Variants in MEOX2 observed in about 807,000 individuals in gnomAD.
The protein encoded by MEOX2 is mesenchyme homeobox 2.
In MEOX2, 11 loss-of-function variants were observed where a neutral mutation model predicts 27.0. That is an observed-to-expected ratio of 0.41 (90% CI 0.26 to 0.68). MEOX2 has a LOEUF of 0.68. Ranked by LOEUF, MEOX2 falls within the 30% of genes least tolerant of loss-of-function variation. The pLI is 0.33. For synonymous variants in MEOX2, 189 were observed against 155.4 expected (o/e 1.22, Z -1.61); for missense variants, 436 against 385.4 (o/e 1.13, Z -1.10).
At chr7:15,623,105 A>G (rs1781245913) in intron 2 of MEOX2, among the ~76,000 whole-genome samples, 1 of 152,200 alleles carries the variant, frequency 6.6e-6, no homozygotes, top group Admixed American at 6.5e-5. Context: ...ATAGACTACA[A>G]GCTGCATTGC....
intron 1 of MEOX2, among the ~76,000 whole-genome samples, chr7:15,654,841 G>A (rs1388904395): frequency 6.6e-6 from 1 of 151,340 alleles, no homozygotes; most frequent in Non-Finnish European, 1.5e-5. Context: ...ATAACTCTGT[G>A]GTTTTCTTCT....
intron 1 of MEOX2, among the ~76,000 whole-genome samples, chr7:15,639,107 G>T (rs1312157776): frequency 1.3e-5 from 2 of 152,096 alleles, no homozygotes; most frequent in East Asian, 1.9e-4. Flanking sequence ...CGGTGTAAAA[G>T]TATTCACTTT....
At chr7:15,635,732 G>A (rs1332050772) in intron 1 of MEOX2, among the ~76,000 whole-genome samples, 1 of 151,866 alleles carries the variant, frequency 6.6e-6, no homozygotes, top group African/African-American at 2.4e-5. Context: ...AAGAATTTAG[G>A]AATTTACACA....
intron 2 of MEOX2, among the ~76,000 whole-genome samples, chr7:15,624,423 C>T (rs753693488): frequency 2.0e-5 from 3 of 152,140 alleles, no homozygotes; most frequent in Non-Finnish European, 4.4e-5. Context: ...TCCAATGAAG[C>T]GATCTTGTCC....
intron 1 of MEOX2, among the ~76,000 whole-genome samples, chr7:15,629,182 T>C (rs904239107): frequency 3.3e-5 from 5 of 152,080 alleles, no homozygotes; most frequent in Non-Finnish European, 7.4e-5. Context: ...TTATTTGAGT[T>C]TCTTTGAAAG....
chr7:15,678,819 T>C (rs1782246382), intron 1 of MEOX2: 1 of 152,234 alleles, frequency 6.6e-6, no homozygotes, highest in African/African-American at 2.4e-5. Flanking sequence ...TGGACCCTCC[T>C]CTAGGTTTTG....
At chr7:15,667,736 G>C (rs1782032157) in intron 1 of MEOX2, among the ~76,000 whole-genome samples, 1 of 152,050 alleles carries the variant, frequency 6.6e-6, no homozygotes, top group Non-Finnish European at 1.5e-5. Flanking sequence ...TGCTTCCTAA[G>C]GTTAATAAGT....
chr7:15,611,573 A>C lies in MEOX2; in HGVS notation c.*814T>G, dbSNP rs2115350229. 1 of 152,768 alleles carries C rather than the reference A, an allele frequency of 6.5e-6. No individual in the cohort carries two copies. The highest frequency in any genetic ancestry group is 2.1e-4 in the South Asian group (1 of 4,832). The allele number at this position is 152,768 out of a possible 1,614,324, so 9.5% of individuals were successfully genotyped here. A position where few individuals can be genotyped will look rare whatever the true frequency, so the allele number is the denominator to read the frequency against. On this transcript the variant is annotated 3_prime_UTR_variant, in exon 3 of 3. Coordinates refer to ENST00000262041, the MANE Select transcript of MEOX2 (RefSeq NM_005924.5). ...ATAGGAAGAATTCAGGAGCTAGGTAAGTTTTATAATAACGTATTAGCAGCA... is the reference window on the plus strand; with the variant it reads ...ATAGGAAGAATTCAGGAGCTAGGTACGTTTTATAATAACGTATTAGCAGCA...
chr7:15,686,456 A>T lies in MEOX2; in HGVS notation c.-54T>A, dbSNP rs1171570202. 18 of 1,456,566 alleles carry T rather than the reference A, an allele frequency of 1.2e-5. No individual in the cohort carries two copies. The highest frequency in any genetic ancestry group is 1.7e-5 in the Non-Finnish European group (18 of 1,085,740). The allele number at this position is 1,456,566 out of a possible 1,614,324, so 90.2% of individuals were successfully genotyped here. On this transcript the variant is annotated 5_prime_UTR_variant, in exon 1 of 3. Coordinates refer to ENST00000262041, the MANE Select transcript of MEOX2 (RefSeq NM_005924.5). ...AGACTTCACGGCGGTTCCAAAGGCC[A>T]CCACCCTCTGTCACTTTTTCACTGG...
At chr7:15,635,787 C>T (rs1171421477) in intron 1 of MEOX2, among the ~76,000 whole-genome samples, 1 of 151,864 alleles carries the variant, frequency 6.6e-6, no homozygotes, top group African/African-American at 2.4e-5. Flanking sequence ...GGTTGGGCCC[C>T]TAAAAGTATC....
At chr7:15,654,556 A>G (rs1250413253) in intron 1 of MEOX2, among the ~76,000 whole-genome samples, 1 of 151,754 alleles carries the variant, frequency 6.6e-6, no homozygotes, top group Non-Finnish European at 1.5e-5. Context: ...TATTTTTATC[A>G]AGTTGAGGAA....
chr7:15,682,852 G>A (rs1031006488), intron 1 of MEOX2, among the ~76,000 whole-genome samples: 1 of 151,930 alleles, frequency 6.6e-6, no homozygotes, highest in Non-Finnish European at 1.5e-5. Context: ...CGTGGCAGAT[G>A]TTGGCTTTGC....
intron 2 of MEOX2, among the ~76,000 whole-genome samples, chr7:15,616,689 A>C (rs920345873): frequency 6.6e-6 from 1 of 151,960 alleles, no homozygotes. Flanking sequence ...TTTTTATTTA[A>C]ATTTATAAGC....
intron 1 of MEOX2, among the ~76,000 whole-genome samples, chr7:15,628,343 C>A (rs1232982416): frequency 6.6e-6 from 1 of 151,960 alleles, no homozygotes; most frequent in Non-Finnish European, 1.5e-5. Context: ...TCTAAGTGAG[C>A]CAGATGTAAA....
rs117108264 is a variant in MEOX2 at position 15,657,631 on chromosome 7, C to A, written c.517+28255G>T. On this transcript the variant is annotated intron_variant, in intron 1 of 2. Coordinates refer to ENST00000262041, the MANE Select transcript of MEOX2 (RefSeq NM_005924.5). ...TGTTCCAAGCATGTTTGTACTTAAT[C>A]ATTGAAAAGATTTTATGATTATTGA... Among the ~76,000 whole-genome samples, 1,049 of 152,230 alleles carry A rather than the reference C, an allele frequency of 6.9e-3. 13 individuals carry two copies. Among genetic ancestry groups the A allele is most frequent in the Middle Eastern group, 0.027 (8 of 294 alleles).
intron 1 of MEOX2, among the ~76,000 whole-genome samples, chr7:15,639,199 G>C (rs191441684): frequency 6.6e-6 from 1 of 151,958 alleles, no homozygotes; most frequent in East Asian, 1.9e-4. Flanking sequence ...ATCTCATAGG[G>C]GTTTTTATTT....
chr7:15,651,105 CTGAG>C (rs1479987307), intron 1 of MEOX2, among the ~76,000 whole-genome samples: 2 of 151,946 alleles, frequency 1.3e-5, no homozygotes, highest in Admixed American at 1.3e-4. Context: ...GATTTTCATA[CTGAG>C]TATTTTCTCT....
At chr7:15,622,926 A>G (rs1781243148) in intron 2 of MEOX2, among the ~76,000 whole-genome samples, 1 of 152,202 alleles carries the variant, frequency 6.6e-6, no homozygotes, top group Non-Finnish European at 1.5e-5. Flanking sequence ...TTCAGCCATC[A>G]TATCAAGGTA....
intron 1 of MEOX2, among the ~76,000 whole-genome samples, chr7:15,674,617 A>C (rs1364203841): frequency 6.6e-6 from 1 of 151,960 alleles, no homozygotes; most frequent in Non-Finnish European, 1.5e-5. Flanking sequence ...TTTAGAAAAC[A>C]AAAGGAAAAA....
Sources: allele counts gnomAD v4.1 joint callset (sites outside exome capture counted in the v4.1 genomes callset), GRCh38; gene constraint gnomAD v4.1.1; transcripts MANE v1.5; gene names NCBI Gene and HGNC (gene_info 2026-07-23, HGNC 2026-07-21).